The following LYST variants were observed in gnomAD, a reference collection of about 807,000 sequenced individuals.
LYST encodes lysosomal trafficking regulator.
LYST carries 192 observed loss-of-function variants against 413.6 expected under a neutral mutation model. The ratio of observed to expected loss-of-function variants is 0.46; its 90% CI spans 0.41 to 0.52. LYST has a LOEUF of 0.52. Ranked by LOEUF, LYST falls within the 20% of genes least tolerant of loss-of-function variation. LYST has a pLI of 0.00. For missense variants in LYST, 3,815 were observed against 4,499.9 expected (o/e 0.85, Z 4.35); for synonymous variants, 1,525 against 1,567.3 (o/e 0.97, Z 0.64).
chr1:235,701,946 T>C (rs1258370862), intron 45 of LYST, among the ~76,000 whole-genome samples: 1 of 152,182 alleles, frequency 6.6e-6, no homozygotes, highest in African/African-American at 2.4e-5. Context: ...CAAGGAATAA[T>C]AGTCAAAACA....
At chr1:235,730,735 G>A in intron 36 of LYST, 112 bp downstream of exon 36, 1 of 846,252 alleles carries the variant, frequency 1.2e-6, no homozygotes, top group Non-Finnish European at 2.0e-6. Flanking sequence ...AGCCTTTCCT[G>A]TTTAGGATTT....
At chr1:235,786,115 T>C (rs1670383063) in intron 14 of LYST, among the ~76,000 whole-genome samples, 1 of 152,196 alleles carries the variant, frequency 6.6e-6, no homozygotes, top group East Asian at 1.9e-4. Context: ...ATATATGGGC[T>C]TGCAGGATGA....
intron 38 of LYST, among the ~76,000 whole-genome samples, chr1:235,727,660 TATC>T (rs1307875257): frequency 1.3e-5 from 2 of 152,186 alleles, no homozygotes; most frequent in South Asian, 2.1e-4. Context: ...TAATAACAAT[TATC>T]ATTATTAAGC....
At chr1:235,663,633 G>C (rs993963743) in intron 52 of LYST, among the ~76,000 whole-genome samples, 20 of 152,156 alleles carry the variant, frequency 1.3e-4, no homozygotes, top group Non-Finnish European at 5.9e-5. Flanking sequence ...TAAGCAAAGA[G>C]TAACTGATTA....
intron 24 of LYST, among the ~76,000 whole-genome samples, chr1:235,755,977 G>A (rs925223744): frequency 3.3e-5 from 5 of 151,774 alleles, no homozygotes; most frequent in Non-Finnish European, 2.9e-5. Flanking sequence ...GAAAAAATCC[G>A]TAAACTATGC....
Position 235,741,545 on chromosome 1 carries a change from C to T in LYST, c.8235G>A (p.Gly2745=). 1 of 1,614,054 alleles carries T rather than the reference C, an allele frequency of 6.2e-7. No homozygotes were observed. Among genetic ancestry groups the T allele is most frequent in the Non-Finnish European group, 8.5e-7 (1 of 1,179,938 alleles). Residue 2745 remains glycine, a synonymous_variant, in exon 31 of 53, where the codon GGG becomes GGA. Transcript: ENST00000389793. ...GCGACAAAATATGCACTAGTAGTCT[C>T]CCAAGCTGCATTCGGAAGGTCTCCT... is the stretch of plus-strand genomic sequence containing the variant. ...SCKETFRMQL[G]RLLVHILSPA... is the part of the protein sequence containing the mutation.
At chr1:235,843,007 C>A (rs1468432382) in intron 1 of LYST, among the ~76,000 whole-genome samples, 1 of 152,136 alleles carries the variant, frequency 6.6e-6, no homozygotes, top group Non-Finnish European at 1.5e-5. Flanking sequence ...TAGGGCAGCT[C>A]CTCATATAAT....
chr1:235,830,024 A>G, intron 3 of LYST: 1 of 557,692 alleles, frequency 1.8e-6, no homozygotes, highest in South Asian at 2.2e-5. Context: ...GGCAATTCAT[A>G]ATTCTAAGAT....
upstream of LYST, among the ~76,000 whole-genome samples, chr1:235,867,177 A>G (rs1028835091): frequency 1.2e-4 from 19 of 152,182 alleles, no homozygotes; most frequent in African/African-American, 4.6e-4. Flanking sequence ...TGGGTTTCTC[A>G]GCGGTCGGGG....
At position 235,671,762 on chromosome 1, in the gene LYST, A is replaced by T. The variant is rs1161837921; in HGVS notation, c.11038+5329T>A. ...AAGAAGTGACATAAGGAAGAAAGCCAGGTCCTTATAGCCTGGCGTAGATAT... is the reference window on the plus strand; with the variant it reads ...AAGAAGTGACATAAGGAAGAAAGCCTGGTCCTTATAGCCTGGCGTAGATAT... On this transcript the variant is annotated intron_variant, in intron 50 of 52. Coordinates refer to ENST00000389793, the MANE Select transcript of LYST (RefSeq NM_000081.4). 2.0e-5 allele frequency among the ~76,000 whole-genome samples: 3 copies of T among 152,270 alleles called. No homozygotes were observed. The East Asian group carries it at 5.8e-4, about 29-fold the overall frequency.
intron 1 of LYST, among the ~76,000 whole-genome samples, chr1:235,864,972 C>T (rs537629016): frequency 6.6e-6 from 1 of 152,298 alleles, no homozygotes; most frequent in South Asian, 2.1e-4. Context: ...AAAGAGTGGA[C>T]TCCCCTTTCC....
chr1:235,763,254 T>G (rs1667771397), intron 21 of LYST, among the ~76,000 whole-genome samples: 1 of 152,260 alleles, frequency 6.6e-6, no homozygotes, highest in Non-Finnish European at 1.5e-5. Flanking sequence ...TAATCATTTC[T>G]GAGCTTCATA....
intron 31 of LYST, chr1:235,736,310 A>C (rs1200458823): frequency 6.6e-6 from 1 of 152,156 alleles, no homozygotes; most frequent in South Asian, 2.1e-4. Flanking sequence ...CTTTTCAAAG[A>C]AGGTTCTAAG....
At chr1:235,834,568 T>C (rs1294701925) in intron 1 of LYST, among the ~76,000 whole-genome samples, 1 of 152,042 alleles carries the variant, frequency 6.6e-6, no homozygotes, top group East Asian at 1.9e-4. Flanking sequence ...TTCAAAATGC[T>C]CAAATCTGGA....
chr1:235,699,047 A>G (rs1036373030), intron 45 of LYST, among the ~76,000 whole-genome samples: 1 of 152,172 alleles, frequency 6.6e-6, no homozygotes, highest in African/African-American at 2.4e-5. Context: ...TGACACAGAA[A>G]GATACAAGGG....
Position 235,759,473 on chromosome 1 carries a change from CA to C in LYST, c.6379del (p.Cys2127ValfsTer30). ...QSQKLTGSLG[C>X]SIDRLQNIAD... is the part of the protein sequence containing the mutation. ...AATATTTTGTAACCTGTCGATACTA[CA>C]ACCCAAACTTCCAGTCAGTTTTTGT... is the stretch of plus-strand genomic sequence containing the variant. On this transcript the variant is annotated frameshift_variant, in exon 23 of 53. Coordinates refer to ENST00000389793, the MANE Select transcript of LYST (RefSeq NM_000081.4). LOFTEE classifies it high-confidence loss of function. 1 of 1,614,056 alleles carries C rather than the reference CA, an allele frequency of 6.2e-7. No individual in the cohort carries two copies. The highest frequency in any genetic ancestry group is 8.5e-7 in the Non-Finnish European group (1 of 1,179,984).
At chr1:235,836,655 G>C (rs1349422978) in intron 1 of LYST, among the ~76,000 whole-genome samples, 1 of 152,118 alleles carries the variant, frequency 6.6e-6, no homozygotes, top group East Asian at 1.9e-4. Context: ...AGGAACTAAA[G>C]TAAGCATGGA....
In LYST at chr1:235,801,095, C is replaced by A. The variant is rs1672164765; in HGVS notation, c.3715G>T (p.Val1239Leu). 4.4e-6 allele frequency: 7 copies of A among 1,587,902 alleles called. No homozygotes were observed. The East Asian group carries it at 1.6e-4, about 36-fold the overall frequency. ...CCTTCTGTTTCAGACTTTAAGTCTA[C>A]CCCTGAAAAGAGAAAAGCGAAAGAT... ...PEDGETQDDGVDLKSETEGFS... is the reference protein window; with the variant it reads ...PEDGETQDDGLDLKSETEGFS... The change falls in exon 9 of 53, where the codon GTA becomes TTA. Residue 1239 changes from valine (V) to leucine (L), a missense_variant and splice_region_variant. Val to Leu is a conservative substitution (Grantham distance 32). This residue lies in a region of LYST where 1,648 missense variants were observed against 1,810.3 expected (regional missense o/e 0.91). Transcript: ENST00000389793.
intron 16 of LYST, among the ~76,000 whole-genome samples, chr1:235,779,319 T>C (rs952695174): frequency 3.3e-5 from 5 of 152,224 alleles, no homozygotes; most frequent in Admixed American, 6.5e-5. Flanking sequence ...TTGTAACTTA[T>C]ATGACCTATA....
Sources: gnomAD v4.1 joint callset for allele counts (sites outside exome capture counted in the v4.1 genomes callset) on GRCh38, gnomAD v4.1.1 for gene constraint, gnomAD v4.1.1 regional missense constraint, MANE v1.5 for transcripts, NCBI Gene and HGNC (gene_info 2026-07-23, HGNC 2026-07-21) for gene names.